The following PRELID3A variants were observed in gnomAD, a reference collection of about 807,000 sequenced individuals.
PRELID3A encodes PRELI domain containing protein 3A.
In PRELID3A, 27 loss-of-function variants were observed where a neutral mutation model predicts 23.0. The observed-to-expected ratio is 1.17, with a 90% CI of 0.87 to 1.62. The LOEUF (loss-of-function observed/expected upper bound fraction) is 1.62. Ranked by LOEUF, PRELID3A falls within the 40% of genes most tolerant of loss-of-function variation. PRELID3A has a pLI of 0.00. For synonymous variants in PRELID3A, 87 were observed against 86.4 expected, an observed-to-expected ratio of 1.01 and a Z score of -0.04; for missense variants, 231 against 231.4, an observed-to-expected ratio of 1.00 and a Z score of 0.01.
chr18:12,427,574 A>G (rs2030421832), intron 5 of PRELID3A, among the ~76,000 whole-genome samples: 1 of 152,098 alleles, frequency 6.6e-6, no homozygotes, highest in South Asian at 2.1e-4. Flanking sequence ...ACACCTCTGT[A>G]GTCCCAGCTA....
intron 1 of PRELID3A, among the ~76,000 whole-genome samples, chr18:12,419,250 C>T (rs1392075781): frequency 3.3e-5 from 5 of 150,768 alleles, no homozygotes; most frequent in South Asian, 2.1e-4. Context: ...CGCTTGTACC[C>T]GGGTGGTGGA....
In PRELID3A at chr18:12,420,500, G is replaced by T. The variant is rs752365258; in HGVS notation, c.201+7G>T. ...GCCCAGCCTCGTGAGAGCGGTGAGC[G>T]GGGCGGGGGCTGCGGCTCCGAACGC... On this transcript the variant is annotated splice_region_variant and intron_variant, in intron 2 of 6. Coordinates refer to ENST00000440960, the MANE Select transcript of PRELID3A (RefSeq NM_001142405.2). The T allele has an allele frequency of 4.0e-6, 6 of 1,518,730 alleles. No homozygotes were observed. The African/African-American group carries it at 4.2e-5, about 11-fold the overall frequency. The allele number at this position is 1,518,730 out of a possible 1,614,324, so 94.1% of individuals were successfully genotyped here.
chr18:12,413,401 A>G (rs1307497325), intron 1 of PRELID3A, among the ~76,000 whole-genome samples: 1 of 152,110 alleles, frequency 6.6e-6, no homozygotes. Context: ...GAGCCATACC[A>G]TCTCTTAAAA....
intron 1 of PRELID3A, among the ~76,000 whole-genome samples, chr18:12,411,642 C>G (rs1281168084): frequency 1.3e-5 from 2 of 152,216 alleles, no homozygotes; most frequent in Non-Finnish European, 2.9e-5. Context: ...TCTGGCCATG[C>G]CCTTCTCAGG....
At chr18:12,429,885 C>A (rs2030510124) in intron 6 of PRELID3A, among the ~76,000 whole-genome samples, 1 of 152,266 alleles carries the variant, frequency 6.6e-6, no homozygotes, top group Non-Finnish European at 1.5e-5. Context: ...CTGCAGCCGG[C>A]CATTTCCTTT....
chr18:12,416,223 C>G (rs1284311319), intron 1 of PRELID3A, among the ~76,000 whole-genome samples: 1 of 152,196 alleles, frequency 6.6e-6, no homozygotes. Context: ...ATACCCTTTC[C>G]AGTACTCAAT....
rs558372297 is a variant in PRELID3A at position 12,424,767 on chromosome 18, G to A, written c.292-2274G>A. Among the ~76,000 whole-genome samples, 3 of 152,360 alleles carry A rather than the reference G, an allele frequency of 2.0e-5. No individual in the cohort carries two copies. The East Asian group carries it at 5.8e-4, about 29-fold the overall frequency. On this transcript the variant is annotated intron_variant, in intron 3 of 6. Transcript: ENST00000440960. ...GCATTTTGAGAAGAGGGTGAACTGA[G>A]TTAAACAATGAAGCAATTCTAGAGC...
intron 1 of PRELID3A, 49 bp from the exon 2 acceptor site, chr18:12,420,276 C>A (rs1447880818): frequency 9.7e-6 from 15 of 1,540,394 alleles, no homozygotes; most frequent in African/African-American, 1.4e-5. Context: ...TTCACCCTTG[C>A]GGCCCCGGCC....
At chr18:12,428,746 G>A (rs114735380) in intron 5 of PRELID3A, among the ~76,000 whole-genome samples, 23 of 152,322 alleles carry the variant, frequency 1.5e-4, no homozygotes, top group African/African-American at 4.3e-4. Flanking sequence ...CTCACCCATC[G>A]TTGTTTCCAA....
rs372548166 is a variant in PRELID3A, at chr18:12,427,059, G to A, written c.310G>A (p.Val104Met). 1 of 1,612,482 alleles carries A rather than the reference G, an allele frequency of 6.2e-7. No homozygotes were observed. The highest frequency in any genetic ancestry group is 8.5e-7 in the Non-Finnish European group (1 of 1,178,712). Reference sequence around the variant, plus strand: ...TTTTAAGATCACACTCACAAATTTGGTGTCAGTTAATGAGAGGTTGGTGTA... The same window carrying A: ...TTTTAAGATCACACTCACAAATTTGATGTCAGTTAATGAGAGGTTGGTGTA... ...CSTNITLTNL[V>M]SVNERLVYTP... The change falls in exon 4 of 7, where the codon GTG (valine) becomes ATG (methionine). Residue 104 changes from valine (V) to methionine (M), a missense_variant. Physicochemically the swap from Val to Met is conservative, Grantham distance 21. Transcript: ENST00000440960.
At chr18:12,429,239 C>A in intron 5 of PRELID3A, 111 bp from the exon 6 acceptor site, 1 of 864,504 alleles carries the variant, frequency 1.2e-6, no homozygotes. Context: ...GCTGTGTCTC[C>A]TTGTAACTGC....
intron 1 of PRELID3A, among the ~76,000 whole-genome samples, chr18:12,418,338 G>T (rs1273017883): frequency 6.6e-6 from 1 of 152,218 alleles, no homozygotes; most frequent in Non-Finnish European, 1.5e-5. Flanking sequence ...AGATGACCTA[G>T]TGTACAGCTG....
intron 1 of PRELID3A, 200 bp from the exon 2 acceptor site, chr18:12,420,125 G>A: frequency 7.0e-7 from 1 of 1,422,242 alleles, no homozygotes; most frequent in South Asian, 1.5e-5. Context: ...AAACCAAGGG[G>A]CTGCCAGGTG....
intron 1 of PRELID3A, chr18:12,410,639 TAAAA>T (rs1364956666): frequency 6.6e-6 from 1 of 152,148 alleles, no homozygotes; most frequent in East Asian, 1.9e-4. Flanking sequence ...TTTCTATACT[TAAAA>T]AAAGTTTGTT....
chr18:12,431,942 C>T lies in PRELID3A; in HGVS notation c.*826C>T, dbSNP rs1284111160. The T allele has an allele frequency of 6.6e-6, 1 of 152,208 alleles. No homozygotes were observed. Among genetic ancestry groups the T allele is most frequent in the African/African-American group, 2.4e-5 (1 of 41,458 alleles). The allele number at this position is 152,208 out of a possible 1,614,324, so 9.4% of individuals were successfully genotyped here. ...CCAAGGTTTGAGTTCCTGTTTTTCG[C>T]CTTATAGTTTTGTGAGTGTTTGAGG... On this transcript the variant is annotated 3_prime_UTR_variant, in exon 7 of 7. Transcript: ENST00000440960.
chr18:12,428,314 C>T (rs978724641), intron 5 of PRELID3A, among the ~76,000 whole-genome samples: 2 of 152,190 alleles, frequency 1.3e-5, no homozygotes, highest in African/African-American at 2.4e-5. Context: ...GGAAGATGTT[C>T]CTCACATTTA....
At chr18:12,408,353 C>G (rs1363653800) in intron 1 of PRELID3A, among the ~76,000 whole-genome samples, 1 of 151,606 alleles carries the variant, frequency 6.6e-6, no homozygotes, top group Non-Finnish European at 1.5e-5. Context: ...GGGGGGCGGC[C>G]GGGGGCCTGG....
At chr18:12,420,604 C>CCTCCCACCCCG in intron 2 of PRELID3A, 111 bp downstream of exon 2, 1 of 1,010,130 alleles carries the variant, frequency 9.9e-7, no homozygotes, top group African/African-American at 1.7e-5. Context: ...CTTTGGCTGC[C>CCTCCCACCCCG]ATCGGGGTGG....
intron 2 of PRELID3A, 170 bp from the exon 3 acceptor site, chr18:12,421,370 C>T: frequency 1.7e-6 from 1 of 595,704 alleles, no homozygotes; most frequent in Admixed American, 3.0e-5. Context: ...AGTGGCTCAC[C>T]TGCTGGAGCG....
Sources: gnomAD v4.1 joint callset for allele counts (sites outside exome capture counted in the v4.1 genomes callset) on GRCh38, gnomAD v4.1.1 for gene constraint, MANE v1.5 for transcripts, NCBI Gene and HGNC (gene_info 2026-07-23, HGNC 2026-07-21) for gene names.